The following DOCK7 variants were observed in gnomAD, a reference collection of about 807,000 sequenced individuals.
DOCK7 encodes dedicator of cytokinesis 7.
A neutral mutation model predicts 271.0 loss-of-function variants in DOCK7; 138 were observed. That is an observed-to-expected ratio of 0.51 (90% confidence interval 0.44 to 0.59). The LOEUF is 0.59. Ranked by LOEUF, DOCK7 falls within the 20% of genes least tolerant of loss-of-function variation. The pLI, the probability that DOCK7 is intolerant of heterozygous loss-of-function variation, is 0.00. For synonymous variants in DOCK7, 823 were observed against 876.1 expected (o/e 0.94, Z 1.07); for missense variants, 2,066 against 2,592.4 (o/e 0.80, Z 4.41).
chr1:62,617,845 T>C (rs775540285), intron 14 of DOCK7, among the ~76,000 whole-genome samples: 26 of 151,966 alleles, frequency 1.7e-4, no homozygotes, highest in Non-Finnish European at 2.9e-4. Flanking sequence ...AAGGTGGAAG[T>C]AGTAAGAAGT....
intron 7 of DOCK7, among the ~76,000 whole-genome samples, chr1:62,638,844 T>G (rs888244189): frequency 1.3e-5 from 2 of 151,602 alleles, no homozygotes; most frequent in Non-Finnish European, 2.9e-5. Flanking sequence ...GATTACCCTT[T>G]CCATACTATA....
rs546914965 is a variant in DOCK7, at chr1:62,457,198, C to T, written c.6380+340G>A. On this transcript the variant is annotated intron_variant, in intron 49 of 49. Coordinates refer to ENST00000635253, the MANE Select transcript of DOCK7 (RefSeq NM_001367561.1). ...TGTGTGGTGTCCCGGTTAATGAGTA[C>T]CAACTTTTTGATTCTCAAGTTATTT... 1.2e-4 allele frequency among the ~76,000 whole-genome samples: 19 copies of T among 152,222 alleles called. 1 individual carries two copies. In the South Asian group the frequency reaches 3.7e-3, roughly 30 times the overall value.
intron 14 of DOCK7, among the ~76,000 whole-genome samples, chr1:62,614,676 T>C (rs1423632772): frequency 2.0e-5 from 3 of 152,018 alleles, no homozygotes; most frequent in Non-Finnish European, 2.9e-5. Context: ...CTTTGTGACA[T>C]GCACTTTACA....
chr1:62,558,067 A>G (rs552958472), intron 20 of DOCK7, among the ~76,000 whole-genome samples: 2 of 152,234 alleles, frequency 1.3e-5, no homozygotes, highest in South Asian at 4.1e-4. Context: ...CCCTACAGAA[A>G]AAGTCCCAAT....
chr1:62,561,353 C>A (rs4329540), intron 19 of DOCK7, among the ~76,000 whole-genome samples: 1 of 151,892 alleles, frequency 6.6e-6, no homozygotes, highest in African/African-American at 2.4e-5. Context: ...ATTAATTCTG[C>A]CATGTACCAG....
At chr1:62,468,864 A>G (rs549884186) in intron 48 of DOCK7, among the ~76,000 whole-genome samples, 1 of 152,292 alleles carries the variant, frequency 6.6e-6, no homozygotes, top group East Asian at 1.9e-4. Flanking sequence ...TACCTATCCA[A>G]AGAGGTGAAA....
rs1208136338 is a variant in DOCK7, at chr1:62,578,762, A to G, written c.2010+66T>C. 2.3e-6 allele frequency: 3 copies of G among 1,290,160 alleles called. No individual in the cohort carries two copies. In the African/African-American group the frequency reaches 4.7e-5, roughly 20 times the overall value. The allele number at this position is 1,290,160 out of a possible 1,614,324, so 79.9% of individuals were successfully genotyped here. ...AAACCCACAAATGACCAGAAATATC[A>G]ATTATATCTTAAATATCACCATTAT... On this transcript the variant is annotated intron_variant, in intron 17 of 49. Transcript: ENST00000635253.
chr1:62,649,585 C>A (rs1444912606), intron 4 of DOCK7, among the ~76,000 whole-genome samples: 1 of 152,068 alleles, frequency 6.6e-6, no homozygotes, highest in African/African-American at 2.4e-5. Context: ...GAATTCTATA[C>A]TAAAAAAATT....
chr1:62,635,097 A>G (rs566043576), intron 8 of DOCK7, 175 bp from the exon 9 acceptor site: 20 of 413,654 alleles, frequency 4.8e-5, no homozygotes, highest in Admixed American at 1.2e-4. Flanking sequence ...TTAAATTTCT[A>G]TTTTCTTTTT....
intron 19 of DOCK7, 87 bp from the exon 20 acceptor site, chr1:62,559,307 A>C: frequency 2.8e-5 from 25 of 904,078 alleles, no homozygotes; most frequent in Non-Finnish European, 4.1e-5. Flanking sequence ...CAAACATGTC[A>C]TATTACTTGA....
rs531191770 is a variant in DOCK7 at position 62,645,303 on chromosome 1, T to C, written c.818+2388A>G. Among the ~76,000 whole-genome samples, 322 of 151,678 alleles carry C rather than the reference T, an allele frequency of 2.1e-3. 2 individuals carry two copies. The highest frequency in any genetic ancestry group is 7.3e-3 in the African/African-American group (301 of 41,324). ...CAATCATTACTGATTAATAGATAAA[T>C]AGAATGTGGCATATGCATCAATGGA... On this transcript the variant is annotated intron_variant, in intron 7 of 49. Transcript: ENST00000635253.
chr1:62,560,706 A>G (rs968823033), intron 19 of DOCK7, among the ~76,000 whole-genome samples: 2 of 152,260 alleles, frequency 1.3e-5, no homozygotes, highest in Admixed American at 1.3e-4. Flanking sequence ...GCTACTCATC[A>G]TCTGAGTTGT....
At chr1:62,660,763 C>T (rs1658565803) in intron 2 of DOCK7, among the ~76,000 whole-genome samples, 1 of 152,028 alleles carries the variant, frequency 6.6e-6, no homozygotes, top group Admixed American at 6.6e-5. Flanking sequence ...AATGAATAAA[C>T]AAAATGTGGC....
At chr1:62,544,675 A>G (rs1645643446) in intron 23 of DOCK7, among the ~76,000 whole-genome samples, 1 of 152,224 alleles carries the variant, frequency 6.6e-6, no homozygotes, top group Non-Finnish European at 1.5e-5. Context: ...CTGTTATAAA[A>G]GCCATCAATT....
chr1:62,558,615 T>C (rs867867385), intron 20 of DOCK7, among the ~76,000 whole-genome samples: 1 of 152,192 alleles, frequency 6.6e-6, no homozygotes, highest in Non-Finnish European at 1.5e-5. Flanking sequence ...AGGTAGATTA[T>C]ACATCCTGTA....
intron 8 of DOCK7, 72 bp downstream of exon 8, chr1:62,636,465 T>C: frequency 8.3e-7 from 1 of 1,203,956 alleles, no homozygotes; most frequent in Non-Finnish European, 1.2e-6. Context: ...AAAAAATCAA[T>C]CTTATAAAAC....
chr1:62,476,268 T>C (rs1645966432), intron 44 of DOCK7, 112 bp from the exon 45 acceptor site: 3 of 646,914 alleles, frequency 4.6e-6, no homozygotes, highest in Non-Finnish European at 7.8e-6. Flanking sequence ...TTCTGTACAA[T>C]CATATCAATA....
intron 37 of DOCK7, among the ~76,000 whole-genome samples, 158 bp downstream of exon 37, chr1:62,504,472 T>C: frequency 6.6e-6 from 1 of 152,224 alleles, no homozygotes; most frequent in East Asian, 1.9e-4. Flanking sequence ...ATTTGGATTT[T>C]TGTAAGATAT....
At position 62,616,472 on chromosome 1, in the gene DOCK7, A is replaced by G. The variant is rs563983912; in HGVS notation, c.1682+2234T>C. On this transcript the variant is annotated intron_variant, in intron 14 of 49. Coordinates refer to ENST00000635253, the MANE Select transcript of DOCK7 (RefSeq NM_001367561.1). ...TGTTTTAATAAAAATGTAGCAAACA[A>G]TTCTCTACCAATGAGAAATTTTATT... is the stretch of plus-strand genomic sequence containing the variant. Among the ~76,000 whole-genome samples the G allele has an allele frequency of 2.0e-5, 3 of 151,962 alleles. No homozygotes were observed. In the East Asian group the frequency reaches 5.8e-4, roughly 29 times the overall value.
Sources: allele counts gnomAD v4.1 joint callset (sites outside exome capture counted in the v4.1 genomes callset), GRCh38; gene constraint gnomAD v4.1.1; transcripts MANE v1.5; gene names NCBI Gene and HGNC (gene_info 2026-07-23, HGNC 2026-07-21).